Variants in COL25A1 observed in about 807,000 individuals in gnomAD.
COL25A1 encodes the protein collagen type XXV alpha 1 chain.
A neutral mutation model predicts 128.4 loss-of-function variants in COL25A1; 103 were observed. The observed-to-expected ratio is 0.80, with a 90% CI of 0.68 to 0.94. The LOEUF (loss-of-function observed/expected upper bound fraction) is 0.94. COL25A1 is among the 40% of genes least tolerant of loss of function. The pLI is 0.00. For synonymous variants in COL25A1, 279 were observed against 277.2 expected (o/e 1.01, Z -0.06); for missense variants, 745 against 840.0 (o/e 0.89, Z 1.40).
Position 108,813,171 on chromosome 4 carries a change from C to T in COL25A1, c.*756G>A, listed in dbSNP as rs1730942614. 6.6e-6 allele frequency: 1 copy of T among 152,234 alleles called. No homozygotes were observed. The highest frequency in any genetic ancestry group is 6.5e-5 in the Admixed American group (1 of 15,278). The allele number at this position is 152,234 out of a possible 1,614,324, so 9.4% of individuals were successfully genotyped here. ...AAACTGGTGGCAGCAACAGGCTCAACCCCTTCGTATTTCAACCAAAGTGGC... is the reference window on the plus strand; with the variant it reads ...AAACTGGTGGCAGCAACAGGCTCAATCCCTTCGTATTTCAACCAAAGTGGC... On this transcript the variant is annotated 3_prime_UTR_variant, in exon 38 of 38. Coordinates refer to ENST00000399132, the MANE Select transcript of COL25A1 (RefSeq NM_198721.4).
At chr4:108,963,935 T>C (rs965255839) in intron 8 of COL25A1, among the ~76,000 whole-genome samples, 2 of 151,236 alleles carry the variant, frequency 1.3e-5, no homozygotes, top group South Asian at 4.2e-4. Flanking sequence ...CATGAAAAAG[T>C]AAGAATAATA....
At chr4:109,275,662 A>G (rs1010898541) in intron 3 of COL25A1, among the ~76,000 whole-genome samples, 2 of 152,200 alleles carry the variant, frequency 1.3e-5, no homozygotes, top group Non-Finnish European at 2.9e-5. Flanking sequence ...AGTTGTAATG[A>G]TCCTGTCTCC....
intron 3 of COL25A1, among the ~76,000 whole-genome samples, chr4:109,080,836 T>A (rs1351185644): frequency 6.6e-6 from 1 of 152,222 alleles, no homozygotes; most frequent in Non-Finnish European, 1.5e-5. Flanking sequence ...ACTGTTCTAT[T>A]TTCAGCTATC....
chr4:109,230,194 A>G (rs1200987458), intron 3 of COL25A1, among the ~76,000 whole-genome samples: 1 of 152,130 alleles, frequency 6.6e-6, no homozygotes, highest in Non-Finnish European at 1.5e-5. Flanking sequence ...TATCCAAACT[A>G]TATCAAGGGG....
chr4:109,218,068 T>C (rs1578469911), intron 3 of COL25A1, among the ~76,000 whole-genome samples: 1 of 152,330 alleles, frequency 6.6e-6, no homozygotes, highest in Admixed American at 6.5e-5. Flanking sequence ...TCTATATTCA[T>C]GTCTTTTTAA....
intron 5 of COL25A1, among the ~76,000 whole-genome samples, chr4:109,023,664 C>T (rs1163270160): frequency 6.6e-6 from 1 of 152,174 alleles, no homozygotes; most frequent in Non-Finnish European, 1.5e-5. Flanking sequence ...ATATTTGCTA[C>T]TACTATTAGC....
At chr4:109,018,881 T>C (rs1178885362) in intron 5 of COL25A1, among the ~76,000 whole-genome samples, 1 of 152,256 alleles carries the variant, frequency 6.6e-6, no homozygotes, top group Non-Finnish European at 1.5e-5. Flanking sequence ...TCTTGGCTTC[T>C]GTTCACTGCA....
rs557843151 is a variant in COL25A1 at position 108,842,348 on chromosome 4, A to C, written c.1630-627T>G. ...ACAAATTCCTCAAAGCTCTTGTAAT[A>C]ATTGTTTATCAGTGGAAGAAAGTCA... On this transcript the variant is annotated intron_variant, in intron 30 of 37. Coordinates refer to ENST00000399132, the MANE Select transcript of COL25A1 (RefSeq NM_198721.4). Among the ~76,000 whole-genome samples the C allele has an allele frequency of 2.0e-5, 3 of 152,304 alleles. No individual in the cohort carries two copies. In the East Asian group the frequency reaches 5.8e-4, roughly 29 times the overall value.
At chr4:109,033,826 C>T (rs1023054764) in intron 5 of COL25A1, among the ~76,000 whole-genome samples, 2 of 151,942 alleles carry the variant, frequency 1.3e-5, no homozygotes, top group Non-Finnish European at 2.9e-5. Flanking sequence ...AATTTTTATT[C>T]TTTCACTTGC....
chr4:109,024,986 G>T (rs1758119561), intron 5 of COL25A1, among the ~76,000 whole-genome samples: 1 of 152,168 alleles, frequency 6.6e-6, no homozygotes, highest in African/African-American at 2.4e-5. Flanking sequence ...ATCAACTGGG[G>T]ATCCCTGCTA....
At chr4:109,109,053 C>G (rs185759609) in intron 3 of COL25A1, among the ~76,000 whole-genome samples, 1 of 152,192 alleles carries the variant, frequency 6.6e-6, no homozygotes, top group African/African-American at 2.4e-5. Flanking sequence ...AATAATTGTT[C>G]CTTTCAAAAA....
chr4:108,845,961 A>G (rs1735042397), intron 28 of COL25A1, among the ~76,000 whole-genome samples, 178 bp downstream of exon 28: 1 of 152,218 alleles, frequency 6.6e-6, no homozygotes, highest in Non-Finnish European at 1.5e-5. Context: ...TACATGCCTT[A>G]CAATTTGAGT....
At chr4:108,984,441 G>A (rs748737275) in intron 6 of COL25A1, among the ~76,000 whole-genome samples, 7 of 152,208 alleles carry the variant, frequency 4.6e-5, no homozygotes, top group Non-Finnish European at 8.8e-5. Context: ...TAGAGCGGGG[G>A]CGGCGCTCAT....
chr4:108,889,120 C>T (rs755541485), intron 18 of COL25A1, 101 bp downstream of exon 18: 24 of 1,096,128 alleles, frequency 2.2e-5, no homozygotes, highest in South Asian at 4.3e-5. Context: ...ACATGAAAAC[C>T]GCATCATTTT....
chr4:109,252,782 C>A (rs1266029587), intron 3 of COL25A1, among the ~76,000 whole-genome samples: 1 of 152,174 alleles, frequency 6.6e-6, no homozygotes, highest in Non-Finnish European at 1.5e-5. Flanking sequence ...GCCCACTAGG[C>A]GAGTTTCCCT....
chr4:109,114,158 T>C (rs150288754), intron 3 of COL25A1, among the ~76,000 whole-genome samples: 3 of 152,242 alleles, frequency 2.0e-5, no homozygotes, highest in Non-Finnish European at 2.9e-5. Context: ...GGATAAACTC[T>C]GCATACATCA....
chr4:109,204,272 C>G (rs1776810871), intron 3 of COL25A1, among the ~76,000 whole-genome samples: 1 of 151,902 alleles, frequency 6.6e-6, no homozygotes, highest in African/African-American at 2.4e-5. Flanking sequence ...CTAAAGGATC[C>G]CAAAGTGGCT....
chr4:108,966,597 C>T (rs1751323599), intron 8 of COL25A1, among the ~76,000 whole-genome samples: 1 of 152,000 alleles, frequency 6.6e-6, no homozygotes, highest in African/African-American at 2.4e-5. Context: ...ACCTGTAATC[C>T]CAGCACTCAG....
intron 3 of COL25A1, among the ~76,000 whole-genome samples, chr4:109,239,808 G>C (rs1779761905): frequency 6.6e-6 from 1 of 151,910 alleles, no homozygotes; most frequent in Non-Finnish European, 1.5e-5. Flanking sequence ...TTTTTTGACT[G>C]TCTTGTAATA....
Sources: gnomAD v4.1 joint callset for allele counts (sites outside exome capture counted in the v4.1 genomes callset) on GRCh38, gnomAD v4.1.1 for gene constraint, MANE v1.5 for transcripts, NCBI Gene and HGNC (gene_info 2026-07-23, HGNC 2026-07-21) for gene names.